DLG2: variants seen among roughly 807,000 people sequenced by gnomAD.
DLG2 encodes the protein disks large homolog 2.
A neutral mutation model predicts 132.5 loss-of-function variants in DLG2; 45 were observed. The ratio of observed to expected loss-of-function variants is 0.34; its 90% CI spans 0.27 to 0.44. DLG2 has a LOEUF of 0.44. Ranked by LOEUF, DLG2 falls within the 20% of genes least tolerant of loss-of-function variation. DLG2 has a pLI of 1.00. For synonymous variants in DLG2, 424 were observed against 419.6 expected (o/e 1.01, Z -0.13); for missense variants, 1,045 against 1,196.9 (o/e 0.87, Z 1.87).
chr11:83,785,977 C>T (rs183176707), intron 18 of DLG2, among the ~76,000 whole-genome samples: 146 of 152,212 alleles, frequency 9.6e-4, no homozygotes, highest in Non-Finnish European at 1.7e-3. Flanking sequence ...ACATTAAGTA[C>T]GTTTCATTTC....
intron 15 of DLG2, among the ~76,000 whole-genome samples, chr11:83,916,503 A>G (rs2154116660): frequency 6.6e-6 from 1 of 151,954 alleles, no homozygotes; most frequent in East Asian, 1.9e-4. Context: ...TTTAGTAGAG[A>G]TGGGGTTTCA....
intron 18 of DLG2, chr11:83,786,479 G>A (rs2039966398): frequency 2.0e-6 from 1 of 511,488 alleles, no homozygotes; most frequent in Non-Finnish European, 3.5e-6. Context: ...TATTTTCATA[G>A]GCCTTTCTAA....
intron 11 of DLG2, among the ~76,000 whole-genome samples, chr11:84,046,482 C>T (rs1342460441): frequency 1.3e-5 from 2 of 151,320 alleles, no homozygotes; most frequent in East Asian, 1.9e-4. Context: ...TTTTTAGGTC[C>T]CTGGGAAGTA....
chr11:84,683,772 T>C (rs1200470120), intron 6 of DLG2, among the ~76,000 whole-genome samples: 1 of 152,278 alleles, frequency 6.6e-6, no homozygotes, highest in Middle Eastern at 3.4e-3. Context: ...AGAAGCAATT[T>C]CATTGTGAAA....
intron 3 of DLG2, among the ~76,000 whole-genome samples, chr11:85,382,917 T>C (rs1266609241): frequency 6.6e-6 from 1 of 152,084 alleles, no homozygotes; most frequent in Admixed American, 6.6e-5. Flanking sequence ...TTGGAAAAAG[T>C]TGTCAGTTCC....
At chr11:85,016,831 A>G (rs1408153462) in intron 6 of DLG2, among the ~76,000 whole-genome samples, 1 of 152,090 alleles carries the variant, frequency 6.6e-6, no homozygotes, top group Non-Finnish European at 1.5e-5. Flanking sequence ...TTCTCCCTGC[A>G]CAGGTACACC....
intron 6 of DLG2, among the ~76,000 whole-genome samples, chr11:84,640,863 C>T (rs969001878): frequency 4.6e-5 from 7 of 151,694 alleles, no homozygotes; most frequent in Non-Finnish European, 8.8e-5. Flanking sequence ...TTGCTTGAAC[C>T]CAGGAGGTGG....
chr11:84,626,843 T>C (rs2099623232), intron 6 of DLG2, among the ~76,000 whole-genome samples: 1 of 144,272 alleles, frequency 6.9e-6, no homozygotes, highest in Non-Finnish European at 1.5e-5. Flanking sequence ...GGCTCATCAA[T>C]TACATATTTT....
intron 3 of DLG2, among the ~76,000 whole-genome samples, chr11:85,536,581 G>A (rs1022344158): frequency 6.6e-6 from 1 of 152,240 alleles, no homozygotes; most frequent in Non-Finnish European, 1.5e-5. Flanking sequence ...GGCTGGTTGA[G>A]GCTGGAGCCG....
chr11:84,206,484 A>G (rs564622797), intron 8 of DLG2, among the ~76,000 whole-genome samples: 5 of 152,116 alleles, frequency 3.3e-5, no homozygotes, highest in African/African-American at 1.2e-4. Context: ...AAGATGCAAA[A>G]TTCCTAAACA....
At chr11:85,078,992 G>C (rs571141463) in intron 6 of DLG2, among the ~76,000 whole-genome samples, 2 of 150,208 alleles carry the variant, frequency 1.3e-5, no homozygotes, top group Non-Finnish European at 3.0e-5. Context: ...ACCCAAGGTA[G>C]TACAGCAAAA....
intron 19 of DLG2, chr11:83,631,233 G>T (rs1034732942): frequency 8.0e-6 from 1 of 125,772 alleles, no homozygotes; most frequent in Admixed American, 9.2e-5. Context: ...GGGGGCTCTT[G>T]TAAGTTCTTT....
chr11:84,807,373 G>A (rs1231349607), intron 6 of DLG2, among the ~76,000 whole-genome samples: 1 of 152,104 alleles, frequency 6.6e-6, no homozygotes. Flanking sequence ...TTGAACCCGG[G>A]AGGCAGATGT....
intron 6 of DLG2, among the ~76,000 whole-genome samples, chr11:84,813,191 C>CAG: frequency 6.6e-6 from 1 of 152,068 alleles, no homozygotes; most frequent in Non-Finnish European, 1.5e-5. Context: ...CACACACACA[C>CAG]ATACACACAC....
intron 4 of DLG2, among the ~76,000 whole-genome samples, chr11:85,251,597 T>C (rs2076399338): frequency 6.6e-6 from 1 of 152,150 alleles, no homozygotes; most frequent in African/African-American, 2.4e-5. Flanking sequence ...AAAGAAGCTT[T>C]TTAAAACTAT....
intron 7 of DLG2, among the ~76,000 whole-genome samples, chr11:84,450,490 T>TAGACAG (rs1206382380): frequency 6.8e-6 from 1 of 146,700 alleles, no homozygotes; most frequent in East Asian, 2.0e-4. Flanking sequence ...AGGAGAAAAA[T>TAGACAG]AAGGCAGAAA....
intron 7 of DLG2, among the ~76,000 whole-genome samples, chr11:84,432,402 T>A (rs1038860471): frequency 6.6e-6 from 1 of 152,222 alleles, no homozygotes; most frequent in Admixed American, 6.5e-5. Context: ...ATTAATGGTT[T>A]GAACACTGTC....
At chr11:85,495,002 G>A (rs2093639629) in intron 3 of DLG2, among the ~76,000 whole-genome samples, 1 of 151,798 alleles carries the variant, frequency 6.6e-6, no homozygotes, top group Non-Finnish European at 1.5e-5. Flanking sequence ...CATCAATAAG[G>A]AAAAGACAAC....
chr11:85,395,923 C>T (rs1193207631), intron 3 of DLG2, among the ~76,000 whole-genome samples: 2 of 152,230 alleles, frequency 1.3e-5, no homozygotes, highest in African/African-American at 4.8e-5. Flanking sequence ...GTTCTCTCAG[C>T]ATGGGGTTTG....
Sources: gnomAD v4.1 joint callset for allele counts (sites outside exome capture counted in the v4.1 genomes callset) on GRCh38, gnomAD v4.1.1 for gene constraint, MANE v1.5 for transcripts, NCBI Gene and HGNC (gene_info 2026-07-23, HGNC 2026-07-21) for gene names.